HTR7: variants seen among roughly 807,000 people sequenced by gnomAD.
The protein encoded by HTR7 is 5-HT-7.
In HTR7, 16 loss-of-function variants were observed where a neutral mutation model predicts 34.0. That is an observed-to-expected ratio of 0.47 (90% CI 0.32 to 0.71). HTR7 has a LOEUF of 0.71. HTR7 is among the 30% of genes least tolerant of loss of function. The probability of loss-of-function intolerance (pLI) is 0.04; values close to 1 mark genes in which losing one functional copy is unlikely to be tolerated. For missense variants in HTR7, 504 were observed against 625.5 expected, an observed-to-expected ratio of 0.81 and a Z score of 2.07; for synonymous variants, 265 against 260.2, an observed-to-expected ratio of 1.02 and a Z score of -0.18.
rs548818009 is a variant in HTR7, at chr10:90,857,561, G to T, written c.111C>A (p.Ala37=). The T allele has an allele frequency of 1.3e-6, 2 of 1,596,514 alleles. No individual in the cohort carries two copies. Among genetic ancestry groups the T allele is most frequent in the African/African-American group, 2.7e-5 (2 of 74,714 alleles). The change falls in exon 1 of 4, where the codon GCC becomes GCA. Residue 37 remains alanine (A), a synonymous_variant. Transcript: ENST00000336152. The surrounding 1 kb of genome is among the most constrained non-coding windows in gnomAD (Gnocchi z 6.5). ...GCGCCCAGGAGCCCGCGACCGGGTC[G>T]GCGCCACCGTCGGGGCTCAAGTCGG... is the stretch of plus-strand genomic sequence containing the variant. The part of the protein sequence containing the change: ...GLPDLSPDGG[A]DPVAGSWAPH...
intron 1 of HTR7, among the ~76,000 whole-genome samples, chr10:90,772,397 A>C (rs962666523): frequency 3.3e-5 from 5 of 152,134 alleles, no homozygotes; most frequent in African/African-American, 9.7e-5. Flanking sequence ...GGAAATAAAA[A>C]ATTTATCAAT....
chr10:90,807,625 A>G (rs1234093943), intron 1 of HTR7, among the ~76,000 whole-genome samples: 1 of 151,956 alleles, frequency 6.6e-6, no homozygotes, highest in East Asian at 1.9e-4. Flanking sequence ...CCCCACCCCT[A>G]TCTCCCTTTG....
chr10:90,793,295 A>G (rs1024567240), intron 1 of HTR7, among the ~76,000 whole-genome samples: 2 of 152,066 alleles, frequency 1.3e-5, no homozygotes, highest in African/African-American at 4.8e-5. Context: ...TCCAATAATC[A>G]TAATTATGAT....
At chr10:90,825,979 A>G (rs1846067299) in intron 1 of HTR7, among the ~76,000 whole-genome samples, 4 of 152,318 alleles carry the variant, frequency 2.6e-5, no homozygotes, top group South Asian at 4.1e-4. Context: ...AAACCTAGAG[A>G]AAGCTATCAA....
rs369404930 is a variant in HTR7 at position 90,831,291 on chromosome 10, G to A, written c.539+25842C>T. On this transcript the variant is annotated intron_variant, in intron 1 of 3. Transcript: ENST00000336152. ...AGTTTGTTCCTTCTGATGTTCGGCT[G>A]TGTTCGGAGTTTCTTCCTTCTGGTG... 5.9e-5 allele frequency among the ~76,000 whole-genome samples: 9 copies of A among 152,268 alleles called. No homozygotes were observed. The East Asian group carries it at 1.5e-3, about 26-fold the overall frequency.
At chr10:90,837,564 A>T (rs1017148454) in intron 1 of HTR7, among the ~76,000 whole-genome samples, 9 of 152,210 alleles carry the variant, frequency 5.9e-5, no homozygotes, top group Admixed American at 2.6e-4. Flanking sequence ...CTGTCACCAG[A>T]TGTTGGCACT....
intron 1 of HTR7, among the ~76,000 whole-genome samples, chr10:90,822,289 A>G (rs925031497): frequency 6.6e-6 from 1 of 152,224 alleles, no homozygotes; most frequent in Admixed American, 6.5e-5. Flanking sequence ...TGAGGAACTT[A>G]TTAGGAACTG....
chr10:90,781,832 C>T (rs182642694), intron 1 of HTR7, among the ~76,000 whole-genome samples: 34 of 152,326 alleles, frequency 2.2e-4, no homozygotes, highest in East Asian at 7.7e-4. Flanking sequence ...ATTTAGTTAA[C>T]GGCATAACCC....
chr10:90,808,910 G>T (rs1845750949), intron 1 of HTR7, among the ~76,000 whole-genome samples: 1 of 152,110 alleles, frequency 6.6e-6, no homozygotes, highest in African/African-American at 2.4e-5. Context: ...AATAATTCTT[G>T]TCGTAAAATA....
chr10:90,830,750 T>C (rs1161634209), intron 1 of HTR7, among the ~76,000 whole-genome samples: 1 of 142,912 alleles, frequency 7.0e-6, no homozygotes. Context: ...ATGGCACCAC[T>C]GCACTCCAGC....
intron 1 of HTR7, among the ~76,000 whole-genome samples, chr10:90,823,070 G>C (rs1846012565): frequency 6.6e-6 from 1 of 152,272 alleles, no homozygotes; most frequent in Admixed American, 6.5e-5. Context: ...TTCTAGGGCA[G>C]TGTGTATGGG....
intron 1 of HTR7, among the ~76,000 whole-genome samples, chr10:90,821,632 A>G (rs1409803648): frequency 1.3e-5 from 2 of 152,228 alleles, no homozygotes; most frequent in Non-Finnish European, 2.9e-5. Flanking sequence ...TCGGGGACAC[A>G]TGACCTAGTG....
chr10:90,779,942 T>C (rs900377501), intron 1 of HTR7, among the ~76,000 whole-genome samples: 1 of 152,220 alleles, frequency 6.6e-6, no homozygotes, highest in African/African-American at 2.4e-5. Context: ...TTAATCTGTA[T>C]TCCCATCAGT....
intron 1 of HTR7, among the ~76,000 whole-genome samples, chr10:90,834,924 C>G (rs887613735): frequency 7.2e-5 from 11 of 152,146 alleles, no homozygotes; most frequent in African/African-American, 2.7e-4. Flanking sequence ...TACAGTCTAT[C>G]ACAAGGCTGC....
intron 1 of HTR7, among the ~76,000 whole-genome samples, chr10:90,766,167 C>CTAT (rs1362117881): frequency 6.6e-6 from 1 of 152,114 alleles, no homozygotes; most frequent in Non-Finnish European, 1.5e-5. Flanking sequence ...CCCTTCTATT[C>CTAT]TATTAGTATT....
chr10:90,838,807 T>C (rs1331199642), intron 1 of HTR7, among the ~76,000 whole-genome samples: 4 of 152,190 alleles, frequency 2.6e-5, no homozygotes, highest in Admixed American at 6.5e-5. Context: ...CTCAGTTACA[T>C]GTCACCTCCT....
intron 1 of HTR7, among the ~76,000 whole-genome samples, chr10:90,836,756 C>T (rs998022232): frequency 3.9e-5 from 6 of 151,986 alleles, no homozygotes; most frequent in African/African-American, 9.7e-5. Context: ...CTAATTCTCC[C>T]GCCTTGGCTT....
intron 1 of HTR7, among the ~76,000 whole-genome samples, chr10:90,781,075 A>G (rs1210734975): frequency 6.6e-6 from 1 of 152,226 alleles, no homozygotes; most frequent in Non-Finnish European, 1.5e-5. Flanking sequence ...GCAAAATAGT[A>G]TGAATTGAAA....
chr10:90,848,069 CTTTTTTT>C (rs61675028), intron 1 of HTR7, among the ~76,000 whole-genome samples: 2 of 112,098 alleles, frequency 1.8e-5, no homozygotes, highest in African/African-American at 3.8e-5. Flanking sequence ...TCTCTTTGTT[CTTTTTTT>C]TTTTTTTTTT....
Sources: allele counts gnomAD v4.1 joint callset (sites outside exome capture counted in the v4.1 genomes callset), GRCh38; gene constraint gnomAD v4.1.1; non-coding constraint Gnocchi (gnomAD v3.1); transcripts MANE v1.5; gene names NCBI Gene and HGNC (gene_info 2026-07-23, HGNC 2026-07-21).